The following USP9X variants were observed in gnomAD, a reference collection of about 807,000 sequenced individuals.
The protein encoded by USP9X is ubiquitin carboxyl-terminal hydrolase 9X.
In USP9X, 7 loss-of-function variants were observed where a neutral mutation model predicts 190.3. The ratio of observed to expected loss-of-function variants is 0.04; its 90% CI spans 0.02 to 0.07. The LOEUF is 0.07. USP9X is among the 10% of genes least tolerant of loss of function. The pLI, the probability that USP9X is intolerant of heterozygous loss-of-function variation, is 1.00. For synonymous variants in USP9X, 645 were observed against 659.5 expected (o/e 0.98, Z 0.34); for missense variants, 1,010 against 1,916.9 (o/e 0.53, Z 8.83).
chrX:41,207,609 T>TA (rs1313200032), intron 32 of USP9X, among the ~76,000 whole-genome samples: 1 of 111,509 alleles, frequency 9.0e-6, no homozygotes, highest in Non-Finnish European at 1.9e-5. Context: ...ACGTAACTCT[T>TA]ACTGTGTATG....
At position 41,150,828 on chromosome X, in the gene USP9X, G is replaced by A. The variant is rs1439388268; in HGVS notation, c.1627-93G>A. ...GATGCTTGTATTGCTAATCTTAAAA[G>A]AAAAGCTTTTATTTTATAATTCTCA... On this transcript the variant is annotated intron_variant, in intron 12 of 44. Coordinates refer to ENST00000378308, the MANE Select transcript of USP9X (RefSeq NM_001039591.3). The A allele has an allele frequency of 4.4e-6, 4 of 899,884 alleles. No homozygotes were observed. In the African/African-American group the frequency reaches 6.2e-5, roughly 14 times the overall value. The allele number at this position is 899,884 out of a possible 1,213,427, so 74.2% of individuals were successfully genotyped here.
intron 1 of USP9X, among the ~76,000 whole-genome samples, chrX:41,111,734 T>C (rs2062109617): frequency 9.0e-6 from 1 of 110,714 alleles, no homozygotes; most frequent in Admixed American, 9.6e-5. Context: ...TGAACTGGAG[T>C]TTGAACAAGC....
At chrX:41,089,903 G>GTT (rs139093155) in intron 1 of USP9X, among the ~76,000 whole-genome samples, 6 of 30,354 alleles carry the variant, frequency 2.0e-4, no homozygotes, top group Non-Finnish European at 2.2e-4. Context: ...ATCTATGAGG[G>GTT]TTTTTTTTTT....
intron 41 of USP9X, chrX:41,228,952 C>T (rs1310282632): frequency 2.1e-5 from 3 of 145,772 alleles, no homozygotes; most frequent in African/African-American, 9.4e-5. Context: ...CCCGTCTCTA[C>T]TAAAAATACA....
intron 2 of USP9X, among the ~76,000 whole-genome samples, chrX:41,126,719 TTTTG>T (rs949330215): frequency 5.4e-5 from 6 of 111,375 alleles, no homozygotes; most frequent in African/African-American, 2.0e-4. Context: ...CACTCTTACA[TTTTG>T]TTTTTCTCTA....
intron 1 of USP9X, among the ~76,000 whole-genome samples, chrX:41,088,800 A>T (rs1039719224): frequency 1.8e-5 from 2 of 109,272 alleles, no homozygotes; most frequent in Non-Finnish European, 3.8e-5. Flanking sequence ...ACCGGATTTT[A>T]GTTGTCATTT....
chrX:41,100,039 C>T (rs1230105909), intron 1 of USP9X, among the ~76,000 whole-genome samples: 2 of 111,998 alleles, frequency 1.8e-5, no homozygotes, highest in Non-Finnish European at 3.8e-5. Context: ...TTTACCTACC[C>T]CCTTCCATTT....
At chrX:41,160,236 C>T (rs1177281542) in intron 14 of USP9X, among the ~76,000 whole-genome samples, 1 of 108,573 alleles carries the variant, frequency 9.2e-6, no homozygotes, top group Admixed American at 9.9e-5. Context: ...AGTGGATTAT[C>T]CTCCTCATTT....
rs759623425 is a variant in USP9X, at chrX:41,161,635, CTTT to C, written c.1898-1134_1898-1132del. 6.2e-3 allele frequency among the ~76,000 whole-genome samples: 294 copies of C among 47,397 alleles called. 9 individuals carry two copies. Among genetic ancestry groups the C allele is most frequent in the African/African-American group, 0.025 (225 of 9,177 alleles). 41.2% of individuals were successfully genotyped at this position (47,397 alleles called of 115,157 possible). On this transcript the variant is annotated intron_variant, in intron 14 of 44. Coordinates refer to ENST00000378308, the MANE Select transcript of USP9X (RefSeq NM_001039591.3). Reference sequence around the variant, plus strand: ...ACAGGCGTGAGCCATGGCGCCCTGCCTTTTTTTTTTTTTTTTTTTTTTTAAAGA... The same window carrying C: ...ACAGGCGTGAGCCATGGCGCCCTGCCTTTTTTTTTTTTTTTTTTTTAAAGA...
chrX:41,210,902 G>A (rs760687932), intron 33 of USP9X, among the ~76,000 whole-genome samples: 7 of 110,540 alleles, frequency 6.3e-5, no homozygotes, highest in Non-Finnish European at 1.3e-4. Flanking sequence ...TGATCTCTTA[G>A]CCATTTTATT....
intron 32 of USP9X, among the ~76,000 whole-genome samples, chrX:41,206,212 T>G (rs2063094333): frequency 8.9e-6 from 1 of 112,022 alleles, no homozygotes; most frequent in African/African-American, 3.2e-5. Flanking sequence ...CTTTCTAGAT[T>G]GTTTTGAAGC....
chrX:41,123,074 C>A (rs757065268), intron 1 of USP9X, among the ~76,000 whole-genome samples: 1 of 111,810 alleles, frequency 8.9e-6, no homozygotes, highest in African/African-American at 3.2e-5. Flanking sequence ...TCATTTAGGG[C>A]TGCAGGTCCA....
intron 33 of USP9X, among the ~76,000 whole-genome samples, chrX:41,212,493 T>TAAAAAA (rs777432635): frequency 1.2e-5 from 1 of 84,218 alleles, no homozygotes; most frequent in Non-Finnish European, 2.4e-5. Context: ...AAAATAAAAA[T>TAAAAAA]AAAAAAAGAT....
intron 2 of USP9X, among the ~76,000 whole-genome samples, chrX:41,124,409 A>C (rs1189762384): frequency 1.8e-5 from 2 of 111,510 alleles, no homozygotes; most frequent in Non-Finnish European, 3.8e-5. Flanking sequence ...GTGCCACTGC[A>C]CTCCAGCCTG....
At chrX:41,146,153 GTTA>G (rs1282575497) in intron 11 of USP9X, among the ~76,000 whole-genome samples, 1 of 111,683 alleles carries the variant, frequency 9.0e-6, no homozygotes, top group Non-Finnish European at 1.9e-5. Context: ...AAAAGGGGTT[GTTA>G]TTATATCTGC....
chrX:41,209,769 A>G (rs991267268), intron 32 of USP9X, among the ~76,000 whole-genome samples: 7 of 112,592 alleles, frequency 6.2e-5, no homozygotes, highest in Non-Finnish European at 9.4e-5. Flanking sequence ...ATTATTTGCT[A>G]TGTAGAAAAG....
At chrX:41,143,968 TAA>T (rs1409411432) in intron 10 of USP9X, among the ~76,000 whole-genome samples, 1 of 111,885 alleles carries the variant, frequency 8.9e-6, no homozygotes, top group Non-Finnish European at 1.9e-5. Context: ...TTGTAGATTA[TAA>T]AGCTTTGTTT....
chrX:41,202,122 G>A (rs1447389962), intron 31 of USP9X, among the ~76,000 whole-genome samples: 2 of 112,176 alleles, frequency 1.8e-5, no homozygotes, highest in African/African-American at 6.5e-5. Flanking sequence ...TCTATTTTAT[G>A]CCAAGTTATA....
chrX:41,140,751 A>G lies in USP9X; in HGVS notation c.750A>G (p.Gln250=), dbSNP rs771426271. ...TTAATGGATCAGCATTAAACGTTCA[A>G]ATAATTGCAGCCCTTATTAAGTAAG... ...RFINGSALNV[Q]IIAALIKPFG... The change falls in exon 7 of 45, where the codon CAA becomes CAG. Residue 250 remains glutamine (Q), a synonymous_variant. Transcript: ENST00000378308. The G allele has an allele frequency of 5.8e-6, 7 of 1,198,855 alleles. No individual in the cohort carries two copies. In the African/African-American group the frequency reaches 1.1e-4, roughly 18 times the overall value.
Sources: gnomAD v4.1 joint callset for allele counts (sites outside exome capture counted in the v4.1 genomes callset) on GRCh38, gnomAD v4.1.1 for gene constraint, MANE v1.5 for transcripts, NCBI Gene and HGNC (gene_info 2026-07-23, HGNC 2026-07-21) for gene names.